CDH2: variants seen among roughly 807,000 people sequenced by gnomAD.
CDH2 encodes cadherin-2.
Under a neutral mutation model 92.0 loss-of-function variants are expected in CDH2, and 17 were observed. That is an observed-to-expected ratio of 0.18 (90% CI 0.13 to 0.28). CDH2 has a LOEUF of 0.28. CDH2 is among the 10% of genes least tolerant of loss of function. CDH2 has a pLI of 1.00. For missense variants in CDH2, 862 were observed against 1,133.1 expected (o/e 0.76, Z 3.44); for synonymous variants, 419 against 415.9 (o/e 1.01, Z -0.09).
rs1169696052 is a variant in CDH2, at chr18:27,955,383, AAAG to A, written c.2515-3027_2515-3025del. Among the ~76,000 whole-genome samples, 655 of 87,066 alleles carry A rather than the reference AAAG, an allele frequency of 7.5e-3. 9 individuals are homozygous for A. Among genetic ancestry groups the A allele is most frequent in the East Asian group, 0.049 (180 of 3,658 alleles). 57.1% of individuals were successfully genotyped at this position (87,066 alleles called of 152,430 possible). A position where few individuals can be genotyped will look rare whatever the true frequency, so the allele number is the denominator to read the frequency against. On this transcript the variant is annotated intron_variant, in intron 15 of 15. Coordinates refer to ENST00000269141, the MANE Select transcript of CDH2 (RefSeq NM_001792.5). ...AAGTATAATAGTAAAAAAAAAAAAAAAAGAAAAAGAAAGAAAAAGAGAATGACA... is the reference window on the plus strand; with the variant it reads ...AAGTATAATAGTAAAAAAAAAAAAAAAAAAAGAAAGAAAAAGAGAATGACA...
chr18:28,168,212 C>A (rs1455920832), intron 1 of CDH2, among the ~76,000 whole-genome samples: 1 of 151,962 alleles, frequency 6.6e-6, no homozygotes, highest in African/African-American at 2.4e-5. Context: ...CCACCAACAA[C>A]AGGTCAAGTT....
intron 2 of CDH2, chr18:28,146,200 T>C (rs1244213874): frequency 1.3e-5 from 2 of 152,170 alleles, no homozygotes; most frequent in East Asian, 3.8e-4. Context: ...AATTACCCAT[T>C]TAAAAATGAA....
rs1335892520 is a variant in CDH2 at position 27,959,959 on chromosome 18, TTGTTA to T, written c.2514+3393_2514+3397del. Among the ~76,000 whole-genome samples the T allele has an allele frequency of 6.8e-4, 103 of 151,746 alleles. 1 individual carries two copies. The highest frequency in any genetic ancestry group is 2.1e-4 in the Non-Finnish European group (14 of 67,888). On this transcript the variant is annotated intron_variant, in intron 15 of 15. Coordinates refer to ENST00000269141, the MANE Select transcript of CDH2 (RefSeq NM_001792.5). ...GACCCCAGGAGGCTGAGGCTGCAGT[TTGTTA>T]TGATTGTGCCACTGCACTCCAGCCT...
chr18:28,173,840 T>C (rs1314895112), intron 1 of CDH2, among the ~76,000 whole-genome samples: 2 of 152,174 alleles, frequency 1.3e-5, no homozygotes, highest in Admixed American at 6.5e-5. Flanking sequence ...AATAAACCTA[T>C]GTAAAGATTT....
At chr18:27,980,858 G>C (rs998179371) in intron 14 of CDH2, among the ~76,000 whole-genome samples, 2 of 150,092 alleles carry the variant, frequency 1.3e-5, no homozygotes, top group Middle Eastern at 7.1e-3. Flanking sequence ...TAGGTAAAGA[G>C]GAAGTTGTAG....
chr18:28,042,506 C>A (rs1361073139), intron 2 of CDH2, among the ~76,000 whole-genome samples: 1 of 152,064 alleles, frequency 6.6e-6, no homozygotes, highest in Non-Finnish European at 1.5e-5. Flanking sequence ...ATGTTGAAAA[C>A]AAGGAGACAA....
At chr18:28,002,687 C>G (rs530235248) in intron 7 of CDH2, among the ~76,000 whole-genome samples, 1 of 152,168 alleles carries the variant, frequency 6.6e-6, no homozygotes, top group Admixed American at 6.5e-5. Context: ...TAATTCCTCA[C>G]AAAAACCTTT....
intron 2 of CDH2, among the ~76,000 whole-genome samples, chr18:28,139,083 TA>T (rs1431356422): frequency 6.9e-6 from 1 of 145,810 alleles, no homozygotes; most frequent in Non-Finnish European, 1.6e-5. Flanking sequence ...TCTGCTGACA[TA>T]AAATCATCAA....
At chr18:27,972,185 T>C (rs994807623) in intron 14 of CDH2, among the ~76,000 whole-genome samples, 1 of 152,190 alleles carries the variant, frequency 6.6e-6, no homozygotes, top group African/African-American at 2.4e-5. Context: ...ACTTGGCTGC[T>C]TAGATTGCTT....
chr18:27,989,984 T>C (rs1406530463), intron 10 of CDH2, 113 bp downstream of exon 10: 2 of 849,920 alleles, frequency 2.4e-6, no homozygotes, highest in Admixed American at 2.4e-5. Context: ...TATCTTTTAA[T>C]AAGTAGTTTT....
chr18:28,058,972 C>A lies in CDH2; in HGVS notation c.173-45063G>T, dbSNP rs575488820. Among the ~76,000 whole-genome samples the A allele has an allele frequency of 1.3e-5, 2 of 152,286 alleles. 1 individual carries two copies. Among genetic ancestry groups the A allele is most frequent in the South Asian group, 4.1e-4 (2 of 4,826 alleles). On this transcript the variant is annotated intron_variant, in intron 2 of 15. Coordinates refer to ENST00000269141, the MANE Select transcript of CDH2 (RefSeq NM_001792.5). ...GCTATTTGGTTAAAACAGGTGAACT[C>A]CTCATGTAGCTTATCTATTTGATTT... is the stretch of plus-strand genomic sequence containing the variant.
chr18:28,085,631 A>C (rs570892889), intron 2 of CDH2, among the ~76,000 whole-genome samples: 1 of 152,242 alleles, frequency 6.6e-6, no homozygotes, highest in South Asian at 2.1e-4. Context: ...ATCATGTTTA[A>C]ATACCTACTT....
intron 6 of CDH2, among the ~76,000 whole-genome samples, chr18:27,944,199 T>C (rs746603851): frequency 1.3e-5 from 2 of 152,156 alleles, no homozygotes; most frequent in African/African-American, 4.8e-5. Flanking sequence ...AATTTCAATA[T>C]GCAAACTACC....
chr18:28,023,126 G>T (rs1210714165), intron 2 of CDH2, among the ~76,000 whole-genome samples: 1 of 151,972 alleles, frequency 6.6e-6, no homozygotes, highest in Non-Finnish European at 1.5e-5. Context: ...AAGCTCTAGC[G>T]ATTTATTTAG....
chr18:28,044,277 G>T (rs917493920), intron 2 of CDH2, among the ~76,000 whole-genome samples: 1 of 152,144 alleles, frequency 6.6e-6, no homozygotes, highest in Admixed American at 6.5e-5. Context: ...GCGCTAATTT[G>T]CTGGCTGTAC....
intron 2 of CDH2, among the ~76,000 whole-genome samples, chr18:28,092,239 C>A (rs1362434660): frequency 6.6e-6 from 1 of 152,064 alleles, no homozygotes. Context: ...GACAGTCTTG[C>A]TTCTTAAAGG....
intron 1 of CDH2, among the ~76,000 whole-genome samples, chr18:28,167,015 T>G (rs894802611): frequency 1.3e-5 from 2 of 152,080 alleles, no homozygotes; most frequent in Non-Finnish European, 2.9e-5. Context: ...AACCCCTCAA[T>G]GTACCCTTTC....
intron 5 of CDH2, among the ~76,000 whole-genome samples, chr18:28,008,645 A>C (rs548981150): frequency 1.1e-4 from 17 of 152,114 alleles, no homozygotes; most frequent in Non-Finnish European, 2.2e-4. Flanking sequence ...ACCTAATGTA[A>C]ATGATGAGTT....
chr18:28,006,022 TA>T, intron 5 of CDH2, 29 bp from the exon 6 acceptor site: 2 of 1,566,182 alleles, frequency 1.3e-6, no homozygotes, highest in Non-Finnish European at 1.8e-6. Context: ...AACAACTATT[TA>T]ACAGATTTAT....
Sources: gnomAD v4.1 joint callset for allele counts (sites outside exome capture counted in the v4.1 genomes callset) on GRCh38, gnomAD v4.1.1 for gene constraint, MANE v1.5 for transcripts, NCBI Gene and HGNC (gene_info 2026-07-23, HGNC 2026-07-21) for gene names.